RGS20: variants seen among roughly 807,000 people sequenced by gnomAD.
The protein encoded by RGS20 is gz-selective GTPase-activating protein.
A neutral mutation model predicts 33.6 loss-of-function variants in RGS20; 30 were observed. That is an observed-to-expected ratio of 0.89 (90% CI 0.67 to 1.21). The LOEUF (loss-of-function observed/expected upper bound fraction) is 1.21. Ranked by LOEUF, RGS20 falls within the 50% of genes most tolerant of loss-of-function variation. The pLI is 0.00. For synonymous variants in RGS20, 208 were observed against 197.9 expected, an observed-to-expected ratio of 1.05 and a Z score of -0.43; for missense variants, 472 against 502.4, an observed-to-expected ratio of 0.94 and a Z score of 0.58.
chr8:53,932,380 GA>G (rs980826173), intron 2 of RGS20, among the ~76,000 whole-genome samples: 5 of 152,210 alleles, frequency 3.3e-5, no homozygotes, highest in African/African-American at 1.2e-4. Flanking sequence ...CCAATGGCTT[GA>G]AATCCTTGCT....
chr8:53,868,506 G>A (rs943006644), intron 1 of RGS20, among the ~76,000 whole-genome samples: 2 of 152,092 alleles, frequency 1.3e-5, no homozygotes, highest in African/African-American at 4.8e-5. Flanking sequence ...GCAGGAGGGA[G>A]TAGTTATTGA....
chr8:53,886,144 T>C (rs972296765), intron 2 of RGS20, among the ~76,000 whole-genome samples: 5 of 152,144 alleles, frequency 3.3e-5, no homozygotes, highest in Non-Finnish European at 7.3e-5. Flanking sequence ...AGCTTAGCAT[T>C]TAGTACAATA....
intron 4 of RGS20, among the ~76,000 whole-genome samples, 173 bp downstream of exon 3, chr8:53,946,921 G>A (rs900146622): frequency 6.6e-6 from 1 of 151,640 alleles, no homozygotes; most frequent in African/African-American, 2.4e-5. Context: ...TTAATTCATC[G>A]TGTGACAGGG....
chr8:53,887,861 C>T lies in RGS20; in HGVS notation c.510+8259C>T, dbSNP rs1812593929. ...GGTGTGGTGGTGCACACCTGTAGTC[C>T]CAGCTACTTGGGAGGCTGAGGCTGG... On this transcript the variant is annotated intron_variant, in intron 2 of 5. Transcript: ENST00000297313. 3.3e-5 allele frequency among the ~76,000 whole-genome samples: 5 copies of T among 151,948 alleles called. No homozygotes were observed. In the South Asian group the frequency reaches 1.0e-3, roughly 32 times the overall value.
At chr8:53,879,117 T>TA in intron 1 of RGS20, 1 of 693,648 alleles carries the variant, frequency 1.4e-6, no homozygotes, top group Non-Finnish European at 2.5e-6. Flanking sequence ...AATCTAACTA[T>TA]AGGCCTTTCC....
At chr8:53,917,381 T>C (rs1813520631) in intron 2 of RGS20, among the ~76,000 whole-genome samples, 1 of 152,166 alleles carries the variant, frequency 6.6e-6, no homozygotes, top group Admixed American at 6.5e-5. Flanking sequence ...ACTCCTGACC[T>C]CAGGTGATCC....
At chr8:53,916,977 C>T (rs1170295363) in intron 2 of RGS20, among the ~76,000 whole-genome samples, 1 of 152,116 alleles carries the variant, frequency 6.6e-6, no homozygotes, top group East Asian at 1.9e-4. Flanking sequence ...TTCTCATGAC[C>T]TAATCACTCC....
At chr8:53,933,795 A>G (rs555433848) in intron 2 of RGS20, 3 of 152,244 alleles carry the variant, frequency 2.0e-5, no homozygotes, top group African/African-American at 7.2e-5. Context: ...GCAACCCAAG[A>G]CTCATAATCA....
At chr8:53,902,604 C>G (rs369265662) in intron 2 of RGS20, among the ~76,000 whole-genome samples, 1 of 152,324 alleles carries the variant, frequency 6.6e-6, no homozygotes, top group African/African-American at 2.4e-5. Flanking sequence ...GATGTGCATG[C>G]CATTCCCTGT....
At chr8:53,897,103 A>G (rs1812885136) in intron 2 of RGS20, among the ~76,000 whole-genome samples, 1 of 152,286 alleles carries the variant, frequency 6.6e-6, no homozygotes, top group Non-Finnish European at 1.5e-5. Context: ...TGTAAGAAGT[A>G]GAGAAAGCTA....
intron 2 of RGS20, among the ~76,000 whole-genome samples, chr8:53,889,418 T>C (rs200852427): frequency 0.044 from 3,124 of 71,728 alleles, 243 homozygotes; most frequent in African/African-American, 0.29. Flanking sequence ...CTCTCTTTTT[T>C]TTTTTTTTTT....
At chr8:53,870,452 C>T (rs193023992) in intron 1 of RGS20, among the ~76,000 whole-genome samples, 180 of 152,318 alleles carry the variant, frequency 1.2e-3, no homozygotes, top group Admixed American at 4.0e-3. Flanking sequence ...GCATATGAGA[C>T]TAATGCCTGC....
intron 1 of RGS20, among the ~76,000 whole-genome samples, chr8:53,871,053 G>A (rs1301699843): frequency 1.5e-5 from 2 of 137,574 alleles, no homozygotes; most frequent in Non-Finnish European, 3.1e-5. Context: ...AGAGGTTGCA[G>A]TGAGCCAAGA....
chr8:53,955,755 C>T (rs1814847723), intron 5 of RGS20, among the ~76,000 whole-genome samples: 1 of 152,050 alleles, frequency 6.6e-6, no homozygotes, highest in South Asian at 2.1e-4. Context: ...CACTTCAACC[C>T]GGGAGGCGGA....
intron 2 of RGS20, among the ~76,000 whole-genome samples, chr8:53,893,259 A>G (rs1812765052): frequency 6.6e-6 from 1 of 152,190 alleles, no homozygotes; most frequent in Admixed American, 6.5e-5. Context: ...ATTAATTTTC[A>G]TATTAGATTT....
chr8:53,896,110 G>A (rs1031108442), intron 2 of RGS20, among the ~76,000 whole-genome samples: 4 of 152,064 alleles, frequency 2.6e-5, no homozygotes, highest in Non-Finnish European at 4.4e-5. Context: ...GCAAGACCCT[G>A]CCTCTGCAAA....
At chr8:53,939,276 G>A (rs1432863933) in intron 2 of RGS20, among the ~76,000 whole-genome samples, 1 of 152,186 alleles carries the variant, frequency 6.6e-6, no homozygotes, top group African/African-American at 2.4e-5. Flanking sequence ...TGACTGCAGA[G>A]TCTTCAGTGC....
chr8:53,954,022 A>G, intron 4 of RGS20, 54 bp from the exon 4 acceptor site: 3 of 1,201,214 alleles, frequency 2.5e-6, no homozygotes, highest in Non-Finnish European at 3.7e-6. Context: ...ATGAATTCCA[A>G]TTAACTACCA....
intron 2 of RGS20, chr8:53,913,958 C>T (rs1025273967): frequency 1.3e-5 from 2 of 152,092 alleles, no homozygotes; most frequent in African/African-American, 4.8e-5. Flanking sequence ...GGCACCATGA[C>T]TTCTGGCCTT....
Sources: allele counts gnomAD v4.1 joint callset (sites outside exome capture counted in the v4.1 genomes callset), GRCh38; gene constraint gnomAD v4.1.1; transcripts MANE v1.5; gene names NCBI Gene and HGNC (gene_info 2026-07-23, HGNC 2026-07-21).